The following NPRL3 variants were observed in gnomAD, a reference collection of about 807,000 sequenced individuals.
The protein encoded by NPRL3 is NPR3 like, GATOR1 complex subunit, also known as GATOR1 complex protein NPRL3.
A neutral mutation model predicts 57.2 loss-of-function variants in NPRL3; 23 were observed. The observed-to-expected ratio is 0.40, with a 90% confidence interval of 0.29 to 0.57. NPRL3 has a LOEUF of 0.57. NPRL3 is among the 20% of genes least tolerant of loss of function. The pLI, the probability that NPRL3 is intolerant of heterozygous loss-of-function variation, is 0.42. For missense variants in NPRL3, 691 were observed against 767.1 expected (o/e 0.90, Z 1.17); for synonymous variants, 333 against 321.1 (o/e 1.04, Z -0.39).
chr16:130,737 C>A, intron 2 of NPRL3, 146 bp from the exon 3 acceptor site: 2 of 742,698 alleles, frequency 2.7e-6, no homozygotes, highest in South Asian at 3.5e-5. Flanking sequence ...AAGGAATGAA[C>A]ATGGGTGAAC....
At chr16:91,769 T>C (rs1253918144) in intron 11 of NPRL3, among the ~76,000 whole-genome samples, 6 of 152,346 alleles carry the variant, frequency 3.9e-5, no homozygotes, top group African/African-American at 1.2e-4. Context: ...CTAATAGATC[T>C]GGCACTTACT....
In NPRL3 at chr16:94,618, C is replaced by T. The variant is rs547907498; in HGVS notation, c.925-1293G>A. Among the ~76,000 whole-genome samples, 7 of 152,228 alleles carry T rather than the reference C, an allele frequency of 4.6e-5. No homozygotes were observed. In the East Asian group the frequency reaches 1.2e-3, roughly 25 times the overall value. On this transcript the variant is annotated intron_variant, in intron 9 of 13. Transcript: ENST00000611875. ...TTTTTATTTAATTAGCCAGGCACTGCGGCACATGCCTGTAGTCCCAGCTAC... is the reference window on the plus strand; with the variant it reads ...TTTTTATTTAATTAGCCAGGCACTGTGGCACATGCCTGTAGTCCCAGCTAC...
At position 88,802 on chromosome 16, in the gene NPRL3, C is replaced by CA; in HGVS notation, c.1439_1440insT (p.Gln480HisfsTer15). On this transcript the variant is annotated frameshift_variant, in exon 13 of 14. Coordinates refer to ENST00000611875, the MANE Select transcript of NPRL3 (RefSeq NM_001077350.3). LOFTEE classifies it high-confidence loss of function. ...TGGCCAGCAGGTTCTCCGTCATCCTCTGGTTCAGTGGCGAGTCCCCGCTGG... is the reference window on the plus strand; with the variant it reads ...TGGCCAGCAGGTTCTCCGTCATCCTCATGGTTCAGTGGCGAGTCCCCGCTGG... 1 of 1,613,800 alleles carries CA rather than the reference C, an allele frequency of 6.2e-7. No individual in the cohort carries two copies. The highest frequency in any genetic ancestry group is 1.7e-5 in the Admixed American group (1 of 59,978).
At chr16:129,195 G>A (rs1175037868) in intron 3 of NPRL3, among the ~76,000 whole-genome samples, 1 of 152,142 alleles carries the variant, frequency 6.6e-6, no homozygotes, top group East Asian at 1.9e-4. Flanking sequence ...CACATCCACT[G>A]CAGCTTGGAG....
rs1231704600 is a variant in NPRL3 at position 86,676 on chromosome 16, C to G, written c.*29G>C. 1.3e-6 allele frequency: 2 copies of G among 1,535,116 alleles called. No individual in the cohort carries two copies. The highest frequency in any genetic ancestry group is 1.8e-6 in the Non-Finnish European group (2 of 1,138,838). On this transcript the variant is annotated 3_prime_UTR_variant, in exon 14 of 14. Transcript: ENST00000611875. The stretch of plus-strand genomic sequence containing the variant: ...GAGACGCGAGCGCCCACCTGCGCAC[C>G]CCAGCAGCCTTCCGCCCTCCGCCTG...
chr16:102,333 C>A (rs560501576), intron 7 of NPRL3, among the ~76,000 whole-genome samples: 2 of 152,346 alleles, frequency 1.3e-5, no homozygotes, highest in East Asian at 3.9e-4. Context: ...CTGTCTGCAG[C>A]TGGCCTTCAC....
At position 112,729 on chromosome 16, in the gene NPRL3, C is replaced by T. The variant is rs1470285968; in HGVS notation, c.440G>A (p.Arg147His). The change falls in exon 6 of 14, where the codon CGT becomes CAT. Residue 147 changes from arginine (R) to histidine (H), a missense_variant. Transcript: ENST00000611875. ...SVINCLHNLS[R>H]RIATVLQHEE... ...GTGCTGCAGCACGGTGGCGATACGA[C>T]GGGACAGGTTATGCAGACAGTTTAT... The T allele has an allele frequency of 8.1e-6, 13 of 1,611,970 alleles. No individual in the cohort carries two copies. Among genetic ancestry groups the T allele is most frequent in the South Asian group, 4.4e-5 (4 of 90,858 alleles).
At chr16:101,353 C>T (rs1171013741) in intron 7 of NPRL3, among the ~76,000 whole-genome samples, 1 of 152,204 alleles carries the variant, frequency 6.6e-6, no homozygotes, top group Non-Finnish European at 1.5e-5. Flanking sequence ...TCTGCAGATG[C>T]CCACAGCACC....
intron 7 of NPRL3, among the ~76,000 whole-genome samples, chr16:107,594 CAAAAAA>C (rs11309723): frequency 2.3e-5 from 3 of 130,714 alleles, no homozygotes; most frequent in Admixed American, 7.5e-5. Flanking sequence ...TATTCCATCT[CAAAAAA>C]AAAAAAAAAA....
intron 11 of NPRL3, chr16:90,848 C>T (rs748268931): frequency 1.3e-5 from 2 of 152,162 alleles, no homozygotes; most frequent in South Asian, 2.1e-4. Flanking sequence ...ATAAAACAGA[C>T]GCGGGTGGAT....
chr16:97,340 G>A (rs1195526828), intron 9 of NPRL3, among the ~76,000 whole-genome samples: 1 of 150,894 alleles, frequency 6.6e-6, no homozygotes, highest in Non-Finnish European at 1.5e-5. Flanking sequence ...TGCCTCCCAG[G>A]CTCAATTGAT....
chr16:95,268 C>T (rs1898937558), intron 9 of NPRL3, among the ~76,000 whole-genome samples: 1 of 150,504 alleles, frequency 6.6e-6, no homozygotes, highest in Non-Finnish European at 1.5e-5. Context: ...CAGCCAATCA[C>T]AACGAATATA....
chr16:125,703 T>C (rs1278543907), intron 3 of NPRL3: 1 of 152,254 alleles, frequency 6.6e-6, no homozygotes, highest in Admixed American at 6.5e-5. Context: ...CACTTGTCCC[T>C]TTACACTGCC....
intron 9 of NPRL3, 92 bp from the exon 10 acceptor site, chr16:93,417 C>A: frequency 1.2e-6 from 1 of 802,196 alleles, no homozygotes; most frequent in Non-Finnish European, 2.1e-6. Flanking sequence ...CATGGCCTAC[C>A]AGCCTGGAGA....
intron 9 of NPRL3, among the ~76,000 whole-genome samples, chr16:95,423 T>A (rs1898966307): frequency 6.7e-6 from 1 of 149,912 alleles, no homozygotes; most frequent in Admixed American, 6.6e-5. Context: ...CCTGGAGGGA[T>A]CTAGGTTACC....
intron 5 of NPRL3, among the ~76,000 whole-genome samples, chr16:114,556 A>T (rs975848687): frequency 6.6e-6 from 1 of 152,198 alleles, no homozygotes; most frequent in African/African-American, 2.4e-5. Flanking sequence ...CAAATGTGGA[A>T]CATTTGATGG....
intron 2 of NPRL3, among the ~76,000 whole-genome samples, chr16:132,671 T>TC (rs1482248007): frequency 7.6e-6 from 1 of 130,726 alleles, no homozygotes; most frequent in Non-Finnish European, 1.6e-5. Flanking sequence ...TGTATTTCTT[T>TC]TTTTTTTTTT....
chr16:86,015 A>C lies in NPRL3; in HGVS notation c.*690T>G, dbSNP rs1898452163. 7.1e-6 allele frequency: 3 copies of C among 422,074 alleles called. No individual in the cohort carries two copies. The highest frequency in any genetic ancestry group is 1.2e-5 in the Non-Finnish European group (3 of 247,638). 26.1% of individuals were successfully genotyped at this position (422,074 alleles called of 1,614,324 possible). A position where few individuals can be genotyped will look rare whatever the true frequency, so the allele number is the denominator to read the frequency against. ...AGCCCCCGAGGGTGGGGTCCTGCACAGTGGGCCATGCCTCCACCAGCAAGA... is the reference window on the plus strand; with the variant it reads ...AGCCCCCGAGGGTGGGGTCCTGCACCGTGGGCCATGCCTCCACCAGCAAGA... On this transcript the variant is annotated 3_prime_UTR_variant, in exon 14 of 14. Coordinates refer to ENST00000611875, the MANE Select transcript of NPRL3 (RefSeq NM_001077350.3).
chr16:85,411 T>G lies in NPRL3; in HGVS notation c.*1294A>C. 1 of 1,606,712 alleles carries G rather than the reference T, an allele frequency of 6.2e-7. No homozygotes were observed. The highest frequency in any genetic ancestry group is 8.5e-7 in the Non-Finnish European group (1 of 1,176,278). On this transcript the variant is annotated 3_prime_UTR_variant, in exon 14 of 14. Coordinates refer to ENST00000611875, the MANE Select transcript of NPRL3 (RefSeq NM_001077350.3). Reference sequence around the variant, plus strand: ...CTGTCCGTCCCACAGGGGACGGGGCTTGCGTCTTGCTGCGAGCACTGGAGC... The same window carrying G: ...CTGTCCGTCCCACAGGGGACGGGGCGTGCGTCTTGCTGCGAGCACTGGAGC...
Sources: gnomAD v4.1 joint callset for allele counts (sites outside exome capture counted in the v4.1 genomes callset) on GRCh38, gnomAD v4.1.1 for gene constraint, MANE v1.5 for transcripts, NCBI Gene and HGNC (gene_info 2026-07-23, HGNC 2026-07-21) for gene names.